QTMAN: variants seen among roughly 807,000 people sequenced by gnomAD.
QTMAN encodes the protein queuosine-tRNA mannosyltransferase, also known as tRNA-queuosine alpha-mannosyltransferase.
the QTMAN span, among the ~76,000 whole-genome samples, chr2:144,036,177 C>T: frequency 1.3e-5 from 2 of 152,180 alleles, no homozygotes; most frequent in African/African-American, 4.8e-5. Context: ...TTCCAAACCG[C>T]ACCAAAGACC....
chr2:144,020,192 G>C, the QTMAN span, among the ~76,000 whole-genome samples: 1 of 152,154 alleles, frequency 6.6e-6, no homozygotes, highest in African/African-American at 2.4e-5. Context: ...GGGGAGGGTG[G>C]GGTCCCTGGC....
chr2:144,047,202 T>C, the QTMAN span, among the ~76,000 whole-genome samples: 2 of 152,060 alleles, frequency 1.3e-5, no homozygotes, highest in East Asian at 3.9e-4. Flanking sequence ...GCCCAAGAGG[T>C]GGAGGTTGCA....
chr2:144,232,238 C>T, the QTMAN span, among the ~76,000 whole-genome samples: 4 of 152,128 alleles, frequency 2.6e-5, no homozygotes, highest in African/African-American at 9.7e-5. Context: ...CAATATGTTG[C>T]TGAGCCTGTT....
chr2:144,139,001 G>A, the QTMAN span, among the ~76,000 whole-genome samples: 6,641 of 152,050 alleles, frequency 0.044, 259 homozygotes, highest in East Asian at 0.18. Context: ...AATCAAATAT[G>A]AAACAAAAGG....
chr2:143,999,029 G>C, the QTMAN span, among the ~76,000 whole-genome samples: 1 of 151,964 alleles, frequency 6.6e-6, no homozygotes. Context: ...TTAACATTAA[G>C]TAACATTGAC....
At chr2:144,195,420 T>G in the QTMAN span, among the ~76,000 whole-genome samples, 4 of 152,096 alleles carry the variant, frequency 2.6e-5, 1 homozygote, top group South Asian at 6.2e-4. Flanking sequence ...ATGCTGAACA[T>G]ATTAAAGAAC....
the QTMAN span, among the ~76,000 whole-genome samples, chr2:144,103,770 T>C: frequency 6.6e-6 from 1 of 152,202 alleles, no homozygotes; most frequent in Non-Finnish European, 1.5e-5. Context: ...AAAAATTCTA[T>C]TAATATACAG....
At chr2:144,277,824 T>C in the QTMAN span, among the ~76,000 whole-genome samples, 3 of 152,112 alleles carry the variant, frequency 2.0e-5, no homozygotes, top group Non-Finnish European at 2.9e-5. Context: ...GTGGCAGATA[T>C]AGAAGATTTG....
chr2:144,230,641 T>C, the QTMAN span, among the ~76,000 whole-genome samples: 3 of 152,046 alleles, frequency 2.0e-5, no homozygotes, highest in African/African-American at 7.2e-5. Flanking sequence ...ATAAAAGCAA[T>C]AGGGAAATAC....
At chr2:144,244,345 A>G in the QTMAN span, among the ~76,000 whole-genome samples, 3 of 152,200 alleles carry the variant, frequency 2.0e-5, no homozygotes, top group South Asian at 4.1e-4. Context: ...TGATCTCTAC[A>G]GGTGTCTCTG....
At chr2:144,300,689 CAA>C in the QTMAN span, among the ~76,000 whole-genome samples, 12 of 151,954 alleles carry the variant, frequency 7.9e-5, no homozygotes, top group African/African-American at 2.9e-4. Context: ...CTGTATTTTT[CAA>C]AGATATGTGC....
chr2:144,080,271 A>G, the QTMAN span, among the ~76,000 whole-genome samples: 8 of 152,300 alleles, frequency 5.3e-5, no homozygotes, highest in African/African-American at 1.9e-4. Context: ...GTACAATTAA[A>G]TACACATTTC....
chr2:144,110,403 A>G, the QTMAN span, among the ~76,000 whole-genome samples: 1 of 152,048 alleles, frequency 6.6e-6, no homozygotes, highest in Non-Finnish European at 1.5e-5. Context: ...GGGTGAGGGG[A>G]GGGGGGAAGG....
the QTMAN span, among the ~76,000 whole-genome samples, chr2:144,110,292 C>T: frequency 6.6e-6 from 1 of 151,920 alleles, no homozygotes; most frequent in Non-Finnish European, 1.5e-5. Context: ...ATTGCAAGGA[C>T]AAAAAACCGA....
the QTMAN span, among the ~76,000 whole-genome samples, chr2:144,242,098 G>C: frequency 6.6e-6 from 1 of 152,124 alleles, no homozygotes; most frequent in African/African-American, 2.4e-5. Flanking sequence ...AGAAAAAACA[G>C]CTAGAGAATA....
At chr2:144,318,279 C>A in the QTMAN span, among the ~76,000 whole-genome samples, 1 of 151,198 alleles carries the variant, frequency 6.6e-6, no homozygotes, top group Non-Finnish European at 1.5e-5. Flanking sequence ...AATGGCAAAG[C>A]TTTCCAAATA....
the QTMAN span, among the ~76,000 whole-genome samples, chr2:144,237,019 A>T: frequency 3.9e-5 from 6 of 152,298 alleles, no homozygotes; most frequent in African/African-American, 1.4e-4. Flanking sequence ...TAACATATTT[A>T]GACAATCACC....
At chr2:144,318,838 T>TGGG in the QTMAN span, among the ~76,000 whole-genome samples, 1 of 152,184 alleles carries the variant, frequency 6.6e-6, no homozygotes, top group Non-Finnish European at 1.5e-5. Context: ...TTAAAAATGT[T>TGGG]GAAGATTCAC....
the QTMAN span, among the ~76,000 whole-genome samples, chr2:144,303,612 CACTT>C: frequency 6.6e-6 from 1 of 152,102 alleles, no homozygotes; most frequent in Non-Finnish European, 1.5e-5. Context: ...ATAAATAAAA[CACTT>C]AGATACATGC....
Sources: gnomAD v4.1 joint callset for allele counts (sites outside exome capture counted in the v4.1 genomes callset) on GRCh38, gnomAD v4.1.1 for gene constraint, MANE v1.5 for transcripts, NCBI Gene and HGNC (gene_info 2026-07-23, HGNC 2026-07-21) for gene names.